USP32: variants seen among roughly 807,000 people sequenced by gnomAD.
USP32 encodes the protein ubiquitin specific peptidase 32.
Under a neutral mutation model 204.8 loss-of-function variants are expected in USP32, and 59 were observed. The ratio of observed to expected loss-of-function variants is 0.29; its 90% CI spans 0.23 to 0.36. The LOEUF (loss-of-function observed/expected upper bound fraction) is 0.36, where lower values mean the gene tolerates loss of function less well. Among genes scored for constraint, USP32 ranks in the 10% least tolerant of loss-of-function variants. USP32 has a pLI of 1.00. For synonymous variants in USP32, 517 were observed against 678.4 expected (o/e 0.76, Z 3.70); for missense variants, 1,160 against 1,946.4 (o/e 0.60, Z 7.60).
intron 2 of USP32, among the ~76,000 whole-genome samples, chr17:60,319,948 C>T (rs2088074849): frequency 6.6e-6 from 1 of 151,972 alleles, no homozygotes; most frequent in Non-Finnish European, 1.5e-5. Flanking sequence ...TGAGCATTTG[C>T]AGATTTTGGT....
intron 1 of USP32, chr17:60,421,628 G>T (rs2090115764): frequency 2.1e-6 from 2 of 974,260 alleles, no homozygotes; most frequent in South Asian, 4.8e-5. Flanking sequence ...GGACCCCGCC[G>T]TGTGCCGCCC....
At chr17:60,391,829 G>T in intron 1 of USP32, 53 bp downstream of exon 1, 1 of 1,546,818 alleles carries the variant, frequency 6.5e-7, no homozygotes, top group Non-Finnish European at 8.8e-7. Context: ...CCACCCTCCA[G>T]GCTGCCCGTC....
At chr17:60,392,662 A>G (rs1257753041), upstream of USP32, 2 of 446,886 alleles carry the variant, frequency 4.5e-6, no homozygotes, top group African/African-American at 2.0e-5. Context: ...GGAGCTCCCA[A>G]CCTTAGGGAC....
intron 27 of USP32, among the ~76,000 whole-genome samples, chr17:60,194,792 C>T (rs1174066735): frequency 6.6e-6 from 1 of 152,134 alleles, no homozygotes; most frequent in African/African-American, 2.4e-5. Flanking sequence ...TTTTGGGTTA[C>T]TTACTTATTC....
intron 3 of USP32, among the ~76,000 whole-genome samples, chr17:60,300,183 T>A (rs1254993442): frequency 4.6e-5 from 7 of 152,172 alleles, no homozygotes; most frequent in Admixed American, 4.6e-4. Flanking sequence ...AATGTTACAT[T>A]CTGTGTAATA....
rs1249616279 is a variant in USP32, at chr17:60,179,405, G to A, written c.4665C>T (p.Asp1555=). The part of the protein sequence containing the change: ...SCKELHPDEI[D]TDSAYILFYE... ...AGAAAAGAATGTAGGCAGAGTCGGT[G>A]TCAATTTCATCCGGGTGAAGTTCCT... Residue 1555 remains aspartate (D), a synonymous_variant, in exon 34 of 34, where the codon GAC becomes GAT. Coordinates refer to ENST00000300896, the MANE Select transcript of USP32 (RefSeq NM_032582.4). 6.2e-6 allele frequency: 10 copies of A among 1,612,380 alleles called. No individual in the cohort carries two copies. Among genetic ancestry groups the A allele is most frequent in the Admixed American group, 1.7e-5 (1 of 59,994 alleles).
intron 16 of USP32, among the ~76,000 whole-genome samples, chr17:60,216,478 T>C (rs1365647057): frequency 6.6e-6 from 1 of 152,208 alleles, no homozygotes; most frequent in African/African-American, 2.4e-5. Context: ...ATGAGTTAGC[T>C]TCTTTCTTCC....
In USP32 at chr17:60,421,828, C is replaced by A. The variant is rs112406424; in HGVS notation, c.106+418G>T. On this transcript the variant is annotated intron_variant, in intron 1 of 3. Coordinates refer to the USP32 transcript ENST00000588898. ...GGGTGGCGGGACTTTCGCCGACACC[C>A]GGCTCCCCGCCTGGTGGCTGCGCAC... 5,136 of 982,692 alleles carry A rather than the reference C, an allele frequency of 5.2e-3. 232 individuals are homozygous for A. In the African/African-American group the frequency reaches 0.083, roughly 16 times the overall value. 60.9% of individuals were successfully genotyped at this position (982,692 alleles called of 1,614,324 possible).
At chr17:60,240,847 T>C (rs1475573002) in intron 11 of USP32, among the ~76,000 whole-genome samples, 1 of 152,202 alleles carries the variant, frequency 6.6e-6, no homozygotes, top group African/African-American at 2.4e-5. Flanking sequence ...CCCAGGTGAC[T>C]GCAGGTGGCT....
At chr17:60,299,987 C>A (rs2087533211) in intron 3 of USP32, among the ~76,000 whole-genome samples, 1 of 152,092 alleles carries the variant, frequency 6.6e-6, no homozygotes, top group Admixed American at 6.5e-5. Flanking sequence ...ACCCTCATGA[C>A]CTAATCACCT....
chr17:60,179,848 T>C (rs1339875603), intron 33 of USP32, among the ~76,000 whole-genome samples: 7 of 151,808 alleles, frequency 4.6e-5, no homozygotes, highest in Non-Finnish European at 1.0e-4. Context: ...TTTTTTGTAC[T>C]TTTAGTAAAG....
At chr17:60,388,139 C>T (rs533016219) in intron 1 of USP32, among the ~76,000 whole-genome samples, 52 of 152,232 alleles carry the variant, frequency 3.4e-4, no homozygotes, top group Non-Finnish European at 5.9e-4. Flanking sequence ...GAATCCATAA[C>T]ATAACTTTTT....
rs942695233 is a variant in USP32 at position 60,207,237 on chromosome 17, T to C, written c.2926-105A>G. The C allele has an allele frequency of 1.1e-5, 16 of 1,458,172 alleles. No homozygotes were observed. In the African/African-American group the frequency reaches 2.3e-4, roughly 21 times the overall value. The allele number at this position is 1,458,172 out of a possible 1,614,324, so 90.3% of individuals were successfully genotyped here. A position where few individuals can be genotyped will look rare whatever the true frequency, so the allele number is the denominator to read the frequency against. On this transcript the variant is annotated intron_variant, in intron 24 of 33. Coordinates refer to ENST00000300896, the MANE Select transcript of USP32 (RefSeq NM_032582.4). ...AGAATGTCTTAGGCGCTTTCATCCGTAAAACCAACGAGATGATTGAATAAT... is the reference window on the plus strand; with the variant it reads ...AGAATGTCTTAGGCGCTTTCATCCGCAAAACCAACGAGATGATTGAATAAT...
At chr17:60,364,412 C>T (rs918131890) in intron 1 of USP32, among the ~76,000 whole-genome samples, 3 of 152,226 alleles carry the variant, frequency 2.0e-5, no homozygotes, top group Non-Finnish European at 4.4e-5. Context: ...CAGAAGCTCA[C>T]TCCATCACCC....
Position 60,301,675 on chromosome 17 carries a change from GGAT to G in USP32, c.213_215del (p.Ser72del). 1 of 1,600,704 alleles carries G rather than the reference GGAT, an allele frequency of 6.2e-7. No homozygotes were observed. Among genetic ancestry groups the G allele is most frequent in the Non-Finnish European group, 8.5e-7 (1 of 1,176,608 alleles). Reference sequence around the variant, plus strand: ...TTAAATTATTGAAGTGCAGCCCTTTGGATGTTCCACCAAAAGAACAGTAAATCA... The same window carrying G: ...TTAAATTATTGAAGTGCAGCCCTTTGGTTCCACCAAAAGAACAGTAAATCA... On this transcript the variant is annotated inframe_deletion, in exon 3 of 34. Coordinates refer to ENST00000300896, the MANE Select transcript of USP32 (RefSeq NM_032582.4).
chr17:60,421,412 G>T (rs1174672187), intron 1 of USP32: 1 of 985,670 alleles, frequency 1.0e-6, no homozygotes, highest in Non-Finnish European at 1.2e-6. Context: ...CGAGGTGGCC[G>T]CTGGGTGGCA....
intron 1 of USP32, among the ~76,000 whole-genome samples, chr17:60,386,354 G>C (rs2089729927): frequency 7.8e-6 from 1 of 128,670 alleles, no homozygotes; most frequent in African/African-American, 3.4e-5. Flanking sequence ...CTAATTTTTA[G>C]TTCATAAATT....
chr17:60,275,064 A>T (rs114293308), intron 5 of USP32, among the ~76,000 whole-genome samples: 134 of 152,338 alleles, frequency 8.8e-4, no homozygotes, highest in African/African-American at 2.9e-3. Context: ...CATAAGCTTG[A>T]GGGCTGAGTT....
At chr17:60,376,954 G>C (rs537588765) in intron 1 of USP32, among the ~76,000 whole-genome samples, 1 of 152,292 alleles carries the variant, frequency 6.6e-6, no homozygotes, top group African/African-American at 2.4e-5. Flanking sequence ...GGTATTAGAT[G>C]AATGGCTGAC....
Sources: allele counts gnomAD v4.1 joint callset (sites outside exome capture counted in the v4.1 genomes callset), GRCh38; gene constraint gnomAD v4.1.1; transcripts MANE v1.5; gene names NCBI Gene and HGNC (gene_info 2026-07-23, HGNC 2026-07-21).